The following MEIS2 variants were observed in gnomAD, a reference collection of about 807,000 sequenced individuals.
MEIS2 encodes Meis homeobox 2.
In MEIS2, 9 loss-of-function variants were observed where a neutral mutation model predicts 58.6. The ratio of observed to expected loss-of-function variants is 0.15; its 90% CI spans 0.09 to 0.27. MEIS2 has a LOEUF of 0.27. Ranked by LOEUF, MEIS2 falls within the 10% of genes least tolerant of loss-of-function variation. The pLI, the probability that MEIS2 is intolerant of heterozygous loss-of-function variation, is 1.00. For missense variants in MEIS2, 427 were observed against 635.0 expected, an observed-to-expected ratio of 0.67 and a Z score of 3.52; for synonymous variants, 221 against 228.4, an observed-to-expected ratio of 0.97 and a Z score of 0.29.
intron 8 of MEIS2, among the ~76,000 whole-genome samples, chr15:36,994,037 A>G (rs1038017969): frequency 2.0e-5 from 3 of 152,146 alleles, no homozygotes; most frequent in African/African-American, 7.2e-5. Flanking sequence ...AAGAAAAAAA[A>G]AGTATGCACA....
chr15:37,078,273 C>G (rs1007781913), intron 7 of MEIS2, among the ~76,000 whole-genome samples: 1 of 151,690 alleles, frequency 6.6e-6, no homozygotes, highest in Non-Finnish European at 1.5e-5. Flanking sequence ...TAACACTGGC[C>G]GTGAGTGGGA....
At chr15:37,071,878 C>G (rs908078847) in intron 7 of MEIS2, among the ~76,000 whole-genome samples, 11 of 152,096 alleles carry the variant, frequency 7.2e-5, no homozygotes, top group African/African-American at 1.9e-4. Context: ...ACTTTGACAA[C>G]TTTGCATGTG....
chr15:37,090,973 AC>A (rs1893444023), intron 6 of MEIS2, among the ~76,000 whole-genome samples: 3 of 152,250 alleles, frequency 2.0e-5, no homozygotes, highest in Admixed American at 2.0e-4. Context: ...GCTCATCATC[AC>A]CCCTGCACCA....
chr15:37,029,727 T>A (rs1595962896), intron 8 of MEIS2, among the ~76,000 whole-genome samples: 1 of 152,228 alleles, frequency 6.6e-6, no homozygotes, highest in South Asian at 2.1e-4. Context: ...CTGCATCATT[T>A]GAGCCACACA....
intron 1 of MEIS2, 59 bp from the exon 2 acceptor site, chr15:37,098,258 G>A (rs1894573416): frequency 1.4e-6 from 2 of 1,479,708 alleles, no homozygotes; most frequent in African/African-American, 1.4e-5. Flanking sequence ...AGAGGAGGGG[G>A]GTGGAAAGGG....
At chr15:37,045,370 A>G (rs1204664227) in intron 7 of MEIS2, among the ~76,000 whole-genome samples, 2 of 152,130 alleles carry the variant, frequency 1.3e-5, no homozygotes, top group East Asian at 1.9e-4. Context: ...ATTACAACAC[A>G]CTAAGAGCCA....
chr15:37,055,053 G>A lies in MEIS2; in HGVS notation c.755-18094C>T, dbSNP rs145278275. Among the ~76,000 whole-genome samples the A allele has an allele frequency of 5.5e-3, 831 of 152,238 alleles. 16 individuals are homozygous for A. Among genetic ancestry groups the A allele is most frequent in the Non-Finnish European group, 4.5e-3 (307 of 68,014 alleles). ...GAAGAAACTAAGGCTTAGAGAGGTG[G>A]AGCAATTTGCCCAAGGTCTTATAGG... On this transcript the variant is annotated intron_variant, in intron 7 of 11. Transcript: ENST00000561208.
At chr15:36,997,499 T>G (rs965928531) in intron 8 of MEIS2, among the ~76,000 whole-genome samples, 1 of 151,712 alleles carries the variant, frequency 6.6e-6, no homozygotes, top group African/African-American at 2.4e-5. Flanking sequence ...CTTTTTTTTT[T>G]TTTTTGAGAC....
At chr15:36,904,053 C>T (rs1272704127) in intron 9 of MEIS2, 3 of 152,198 alleles carry the variant, frequency 2.0e-5, no homozygotes, top group Non-Finnish European at 4.4e-5. Context: ...CTGTCAAGCC[C>T]TCAAGTGGAC....
At chr15:37,017,402 G>A (rs1369244584) in intron 8 of MEIS2, among the ~76,000 whole-genome samples, 4 of 152,176 alleles carry the variant, frequency 2.6e-5, no homozygotes, top group Middle Eastern at 3.4e-3. Flanking sequence ...CCAGGGATTC[G>A]AGACCAGCCT....
chr15:37,000,988 C>A (rs191974004), intron 8 of MEIS2, among the ~76,000 whole-genome samples: 2 of 152,254 alleles, frequency 1.3e-5, no homozygotes, highest in Admixed American at 1.3e-4. Flanking sequence ...CGAAAGGTCA[C>A]CAATGACTTC....
At chr15:36,964,851 T>C (rs2059304837) in intron 8 of MEIS2, among the ~76,000 whole-genome samples, 2 of 152,162 alleles carry the variant, frequency 1.3e-5, no homozygotes, top group African/African-American at 4.8e-5. Flanking sequence ...TTTTGGAAAA[T>C]ACTGGCAGAA....
At chr15:37,098,852 C>G (rs994161087) in intron 1 of MEIS2, 1 of 958,038 alleles carries the variant, frequency 1.0e-6, no homozygotes, top group Non-Finnish European at 1.2e-6. Context: ...CCAGTGCCTC[C>G]CCGGGGGCAG....
At chr15:36,956,089 G>C (rs965762757) in intron 8 of MEIS2, among the ~76,000 whole-genome samples, 14 of 147,682 alleles carry the variant, frequency 9.5e-5, no homozygotes, top group Non-Finnish European at 1.6e-4. Context: ...CCAGCTACTC[G>C]GGAGGCTGAG....
At chr15:36,926,514 A>G (rs939869839) in intron 9 of MEIS2, among the ~76,000 whole-genome samples, 8 of 152,212 alleles carry the variant, frequency 5.3e-5, no homozygotes, top group African/African-American at 1.7e-4. Context: ...CCTGTTTTCC[A>G]TAATGAATTA....
chr15:36,940,024 C>T (rs1260990228), intron 9 of MEIS2, among the ~76,000 whole-genome samples: 1 of 152,142 alleles, frequency 6.6e-6, no homozygotes, highest in Non-Finnish European at 1.5e-5. Context: ...GTAACAGATG[C>T]TCAAATCCCT....
chr15:36,952,646 T>TGTGTGTGTGC (rs1356856777), intron 8 of MEIS2, among the ~76,000 whole-genome samples: 3 of 150,198 alleles, frequency 2.0e-5, no homozygotes, highest in African/African-American at 7.4e-5. Context: ...TGTGTGTGTG[T>TGTGTGTGTGC]GTGCATGTGT....
At chr15:36,957,129 T>A (rs993998853) in intron 8 of MEIS2, among the ~76,000 whole-genome samples, 5 of 152,162 alleles carry the variant, frequency 3.3e-5, no homozygotes, top group African/African-American at 1.2e-4. Flanking sequence ...GCAATGTACA[T>A]GAAAGTGTGA....
intron 8 of MEIS2, among the ~76,000 whole-genome samples, chr15:36,964,093 G>T (rs2059279339): frequency 6.6e-6 from 1 of 152,178 alleles, no homozygotes; most frequent in Non-Finnish European, 1.5e-5. Context: ...TCGCTAAAGT[G>T]AGTCCTTTTG....
Sources: allele counts gnomAD v4.1 joint callset (sites outside exome capture counted in the v4.1 genomes callset), GRCh38; gene constraint gnomAD v4.1.1; transcripts MANE v1.5; gene names NCBI Gene and HGNC (gene_info 2026-07-23, HGNC 2026-07-21).